The following INPP4B variants were observed in gnomAD, a reference collection of about 807,000 sequenced individuals.
INPP4B encodes the protein inositol polyphosphate 4-phosphatase type II.
A neutral mutation model predicts 122.5 loss-of-function variants in INPP4B; 55 were observed. That is an observed-to-expected ratio of 0.45 (90% CI 0.36 to 0.56). The LOEUF (loss-of-function observed/expected upper bound fraction) is 0.56. INPP4B is among the 20% of genes least tolerant of loss of function. The pLI, the probability that INPP4B is intolerant of heterozygous loss-of-function variation, is 0.00. For synonymous variants in INPP4B, 403 were observed against 388.7 expected (o/e 1.04, Z -0.43); for missense variants, 1,000 against 1,097.7 (o/e 0.91, Z 1.26).
At chr4:142,161,187 C>T (rs1165823575) in intron 16 of INPP4B, among the ~76,000 whole-genome samples, 2 of 151,862 alleles carry the variant, frequency 1.3e-5, no homozygotes, top group South Asian at 4.1e-4. Flanking sequence ...TTCAGTAATG[C>T]TTAATGTTAA....
intron 11 of INPP4B, among the ~76,000 whole-genome samples, chr4:142,256,545 T>C (rs1185987629): frequency 6.6e-6 from 1 of 152,088 alleles, no homozygotes; most frequent in African/African-American, 2.4e-5. Flanking sequence ...CCCACAGAAA[T>C]ACAAACTACC....
intron 2 of INPP4B, among the ~76,000 whole-genome samples, chr4:142,671,704 G>T (rs2150634178): frequency 6.6e-6 from 1 of 152,246 alleles, no homozygotes. Flanking sequence ...TTAGTTCCAA[G>T]ATAGTAACAC....
At position 142,193,204 on chromosome 4, in the gene INPP4B, G is replaced by T. The variant is rs770619729; in HGVS notation, c.1073-9C>A. On this transcript the variant is annotated splice_polypyrimidine_tract_variant and intron_variant, in intron 14 of 25. Coordinates refer to ENST00000262992, the MANE Select transcript of INPP4B (RefSeq NM_001101669.3). Reference sequence around the variant, plus strand: ...GACATCGTAGAGAGCATCTGGAGTAGAAACAGACAAGGAGATGAACACTTT... The same window carrying T: ...GACATCGTAGAGAGCATCTGGAGTATAAACAGACAAGGAGATGAACACTTT... 5 of 1,543,416 alleles carry T rather than the reference G, an allele frequency of 3.2e-6. No individual in the cohort carries two copies. The highest frequency in any genetic ancestry group is 4.5e-6 in the Non-Finnish European group (5 of 1,116,530).
chr4:142,673,775 A>G (rs1339837375), intron 2 of INPP4B, among the ~76,000 whole-genome samples: 2 of 152,130 alleles, frequency 1.3e-5, no homozygotes, highest in African/African-American at 4.8e-5. Context: ...AGTTCGTCAG[A>G]CTAATTTTCC....
At chr4:142,413,787 T>C (rs140214009) in intron 5 of INPP4B, among the ~76,000 whole-genome samples, 15 of 152,286 alleles carry the variant, frequency 9.8e-5, no homozygotes, top group African/African-American at 3.4e-4. Flanking sequence ...TATCTTTTTA[T>C]TTAACCAATA....
chr4:142,771,530 A>G (rs1216247826), intron 1 of INPP4B, among the ~76,000 whole-genome samples: 1 of 152,128 alleles, frequency 6.6e-6, no homozygotes, highest in Admixed American at 6.6e-5. Context: ...GAACAAAGCT[A>G]TGGAAAAGGA....
At chr4:142,582,905 G>A (rs1470481991) in intron 2 of INPP4B, among the ~76,000 whole-genome samples, 1 of 152,114 alleles carries the variant, frequency 6.6e-6, no homozygotes, top group Non-Finnish European at 1.5e-5. Context: ...TTTGCTTACT[G>A]CATGTCCTGT....
chr4:142,759,825 T>TAAAAAAAAA (rs70949188), intron 1 of INPP4B, among the ~76,000 whole-genome samples: 41 of 70,046 alleles, frequency 5.9e-4, no homozygotes, highest in Middle Eastern at 0.014. Context: ...GAGCTTTTTC[T>TAAAAAAAAA]AAAAAAAAAA....
intron 1 of INPP4B, among the ~76,000 whole-genome samples, chr4:142,816,861 T>A (rs1780177526): frequency 6.6e-6 from 1 of 152,152 alleles, no homozygotes; most frequent in Non-Finnish European, 1.5e-5. Flanking sequence ...AAATAAGGTA[T>A]AATACACGCT....
intron 1 of INPP4B, among the ~76,000 whole-genome samples, chr4:142,817,670 G>A (rs576741069): frequency 6.6e-6 from 1 of 152,204 alleles, no homozygotes; most frequent in South Asian, 2.1e-4. Flanking sequence ...TGAAGCCAGG[G>A]ATTAAGACTC....
At chr4:142,740,971 A>G (rs866689002) in intron 1 of INPP4B, among the ~76,000 whole-genome samples, 14 of 152,076 alleles carry the variant, frequency 9.2e-5, no homozygotes, top group African/African-American at 3.4e-4. Flanking sequence ...TTCGCAATCC[A>G]AAATTACACA....
At chr4:142,629,162 A>T (rs941242675) in intron 2 of INPP4B, among the ~76,000 whole-genome samples, 1 of 152,006 alleles carries the variant, frequency 6.6e-6, no homozygotes, top group Non-Finnish European at 1.5e-5. Flanking sequence ...CTGCTGGAAA[A>T]GTGAGGAGAT....
At chr4:142,378,212 T>A (rs951036542) in intron 7 of INPP4B, among the ~76,000 whole-genome samples, 1 of 152,100 alleles carries the variant, frequency 6.6e-6, no homozygotes, top group Non-Finnish European at 1.5e-5. Flanking sequence ...AAGCAGCCGA[T>A]CTGAGACTAG....
At chr4:142,321,532 T>A (rs1189733618) in intron 7 of INPP4B, among the ~76,000 whole-genome samples, 1 of 152,212 alleles carries the variant, frequency 6.6e-6, no homozygotes, top group African/African-American at 2.4e-5. Flanking sequence ...GTTTTTCTAA[T>A]GTTATCTTCT....
rs566855659 is a variant in INPP4B, at chr4:142,396,133, A to C, written c.372+6805T>G. On this transcript the variant is annotated intron_variant, in intron 7 of 25. Transcript: ENST00000262992. The stretch of plus-strand genomic sequence containing the variant: ...TGATAAACTGGACTTAATCAGAATT[A>C]AAAAATTTTGTCAACAAAATGTATT... Among the ~76,000 whole-genome samples the C allele has an allele frequency of 3.9e-5, 6 of 152,312 alleles. No homozygotes were observed. The South Asian group carries it at 1.2e-3, about 32-fold the overall frequency.
intron 10 of INPP4B, among the ~76,000 whole-genome samples, chr4:142,266,521 C>A (rs938203575): frequency 3.3e-5 from 5 of 152,114 alleles, no homozygotes; most frequent in African/African-American, 1.2e-4. Context: ...TACCATCTTC[C>A]ATGCAGCAGT....
At chr4:142,421,955 T>C (rs1473774424) in intron 5 of INPP4B, among the ~76,000 whole-genome samples, 2 of 152,118 alleles carry the variant, frequency 1.3e-5, no homozygotes, top group African/African-American at 4.8e-5. Flanking sequence ...AGGAGGGGGA[T>C]ATTGCCTGAT....
At chr4:142,122,035 C>T in intron 21 of INPP4B, 93 bp downstream of exon 21, 1 of 781,734 alleles carries the variant, frequency 1.3e-6, no homozygotes, top group South Asian at 1.7e-5. Context: ...GAAATATTCC[C>T]AAATCAAACC....
intron 25 of INPP4B, among the ~76,000 whole-genome samples, chr4:142,035,287 A>G (rs567778461): frequency 6.6e-6 from 1 of 152,278 alleles, no homozygotes; most frequent in East Asian, 1.9e-4. Context: ...TTGGAAAGTG[A>G]GGTTAGGATG....
Sources: gnomAD v4.1 joint callset for allele counts (sites outside exome capture counted in the v4.1 genomes callset) on GRCh38, gnomAD v4.1.1 for gene constraint, MANE v1.5 for transcripts, NCBI Gene and HGNC (gene_info 2026-07-23, HGNC 2026-07-21) for gene names.